Variants in ARHGEF12 observed in about 807,000 individuals in gnomAD.
ARHGEF12 encodes the protein Rho guanine nucleotide exchange factor 12.
Under a neutral mutation model 211.2 loss-of-function variants are expected in ARHGEF12, and 66 were observed. The observed-to-expected ratio is 0.31, with a 90% CI of 0.26 to 0.38. The LOEUF (loss-of-function observed/expected upper bound fraction) is 0.38. Among genes scored for constraint, ARHGEF12 ranks in the 10% least tolerant of loss-of-function variants. ARHGEF12 has a pLI of 1.00. For missense variants in ARHGEF12, 1,429 were observed against 1,869.5 expected, an observed-to-expected ratio of 0.76 and a Z score of 4.34; for synonymous variants, 592 against 638.4, an observed-to-expected ratio of 0.93 and a Z score of 1.09.
intron 27 of ARHGEF12, among the ~76,000 whole-genome samples, chr11:120,461,689 A>G (rs1946538357): frequency 6.6e-6 from 1 of 152,208 alleles, no homozygotes; most frequent in African/African-American, 2.4e-5. Context: ...TCTACATTGA[A>G]TATCTGTTGT....
intron 1 of ARHGEF12, among the ~76,000 whole-genome samples, chr11:120,361,927 G>A (rs1943289173): frequency 6.6e-6 from 1 of 152,210 alleles, no homozygotes; most frequent in African/African-American, 2.4e-5. Context: ...TCAAAAGGAT[G>A]CATGAAGAGT....
intron 10 of ARHGEF12, 123 bp from the exon 11 acceptor site, chr11:120,431,648 C>T: frequency 9.6e-7 from 1 of 1,042,988 alleles, no homozygotes; most frequent in Non-Finnish European, 1.3e-6. Flanking sequence ...TTGAGCATAT[C>T]AGAATGTCCA....
At chr11:120,375,949 C>G (rs966148967) in intron 1 of ARHGEF12, among the ~76,000 whole-genome samples, 1 of 151,972 alleles carries the variant, frequency 6.6e-6, no homozygotes, top group Non-Finnish European at 1.5e-5. Context: ...GTTTTTCTTA[C>G]GATTTGACTG....
At chr11:120,353,917 G>A (rs933253908) in intron 1 of ARHGEF12, among the ~76,000 whole-genome samples, 2 of 152,216 alleles carry the variant, frequency 1.3e-5, no homozygotes, top group East Asian at 3.8e-4. Context: ...CATTGGGAAT[G>A]TCTGGGGTGG....
Position 120,449,400 on chromosome 11 carries a change from G to T in ARHGEF12, c.1843+186G>T, listed in dbSNP as rs1208542954. On this transcript the variant is annotated intron_variant, in intron 21 of 40. Transcript: ENST00000397843. The stretch of plus-strand genomic sequence containing the variant: ...GTACCCCCTATGTTGCTACATAATT[G>T]TCATAAACATCTTTCGTGGGCTGGG... The T allele has an allele frequency of 5.5e-6, 3 of 548,538 alleles. No individual in the cohort carries two copies. In the East Asian group the frequency reaches 9.0e-5, roughly 16 times the overall value. 34.0% of individuals were successfully genotyped at this position (548,538 alleles called of 1,614,324 possible).
intron 1 of ARHGEF12, among the ~76,000 whole-genome samples, chr11:120,384,145 A>G (rs1943960659): frequency 6.6e-6 from 1 of 152,200 alleles, no homozygotes; most frequent in Non-Finnish European, 1.5e-5. Flanking sequence ...TAGCAAATCT[A>G]GACTATTTTC....
At chr11:120,415,962 A>C (rs936571971) in intron 4 of ARHGEF12, among the ~76,000 whole-genome samples, 2 of 152,358 alleles carry the variant, frequency 1.3e-5, no homozygotes, top group Non-Finnish European at 2.9e-5. Flanking sequence ...AAAATTGAAT[A>C]GGATGTGTGC....
At chr11:120,413,970 T>C (rs904082194) in intron 4 of ARHGEF12, among the ~76,000 whole-genome samples, 3 of 152,240 alleles carry the variant, frequency 2.0e-5, no homozygotes, top group Admixed American at 1.3e-4. Context: ...TATGGCCTTC[T>C]TTCAGGAACA....
rs1465007188 is a variant in ARHGEF12, at chr11:120,486,220, C to G, written c.*1143C>G. 4 of 233,178 alleles carry G rather than the reference C, an allele frequency of 1.7e-5. No individual in the cohort carries two copies. Among genetic ancestry groups the G allele is most frequent in the Admixed American group, 1.1e-4 (2 of 17,766 alleles). 14.4% of individuals were successfully genotyped at this position (233,178 alleles called of 1,614,324 possible). On this transcript the variant is annotated 3_prime_UTR_variant, in exon 41 of 41. Coordinates refer to ENST00000397843, the MANE Select transcript of ARHGEF12 (RefSeq NM_015313.3). Reference sequence around the variant, plus strand: ...AAAATTTTAGTACCTGGAGGTTTGACTCTAATTTTTGCACTGATGGTGCCA... The same window carrying G: ...AAAATTTTAGTACCTGGAGGTTTGAGTCTAATTTTTGCACTGATGGTGCCA...
chr11:120,424,546 T>TC, intron 7 of ARHGEF12, 131 bp downstream of exon 7: 2 of 607,010 alleles, frequency 3.3e-6, no homozygotes, highest in Non-Finnish European at 5.6e-6. Context: ...GCCGACTCTG[T>TC]CATTGTATCA....
At chr11:120,377,077 A>G (rs986080734) in intron 1 of ARHGEF12, among the ~76,000 whole-genome samples, 3 of 152,180 alleles carry the variant, frequency 2.0e-5, no homozygotes, top group African/African-American at 7.2e-5. Context: ...AATCTTGGCT[A>G]TTGTGAATAG....
rs2298465 is a variant in ARHGEF12 at position 120,478,205 on chromosome 11, T to G, written c.3582T>G (p.Ser1194=). Residue 1194 remains serine (S), a synonymous_variant, in exon 37 of 41, where the codon TCT becomes TCG. Transcript: ENST00000397843. ...CCTTAATATCGTCAAAACCTCAGTC[T>G]CATTCACTGAGTACCTCTGGGAAAT... is the stretch of plus-strand genomic sequence containing the variant. ...ESTLISSKPQ[S]HSLSTSGKSE... is the part of the protein sequence containing the mutation. 6.2e-7 allele frequency: 1 copy of G among 1,614,150 alleles called. No homozygotes were observed. Among genetic ancestry groups the G allele is most frequent in the East Asian group, 2.2e-5 (1 of 44,886 alleles).
At chr11:120,458,305 C>T in intron 25 of ARHGEF12, 71 bp downstream of exon 25, 2 of 1,566,002 alleles carry the variant, frequency 1.3e-6, no homozygotes, top group South Asian at 2.3e-5. Context: ...AGTCTCTCAG[C>T]CTTGGAGTTT....
intron 1 of ARHGEF12, among the ~76,000 whole-genome samples, chr11:120,347,180 C>G (rs796604252): frequency 9.1e-6 from 1 of 110,182 alleles, no homozygotes; most frequent in Non-Finnish European, 1.8e-5. Context: ...TCCTTCCTTC[C>G]TTCCTTTCTT....
At chr11:120,405,577 G>A (rs2135567616) in intron 1 of ARHGEF12, among the ~76,000 whole-genome samples, 1 of 152,194 alleles carries the variant, frequency 6.6e-6, no homozygotes, top group African/African-American at 2.4e-5. Context: ...AATAATTGAG[G>A]ATCACGATGA....
chr11:120,395,376 G>A (rs1348926178), intron 1 of ARHGEF12, among the ~76,000 whole-genome samples: 1 of 152,128 alleles, frequency 6.6e-6, no homozygotes, highest in Non-Finnish European at 1.5e-5. Context: ...TCTCAAAGGA[G>A]CTAAGCAAGA....
chr11:120,462,275 T>A (rs1335893312), intron 27 of ARHGEF12, among the ~76,000 whole-genome samples: 3 of 151,584 alleles, frequency 2.0e-5, no homozygotes, highest in Non-Finnish European at 4.4e-5. Flanking sequence ...GGGAAGAGAG[T>A]TGGGGGAATG....
intron 15 of ARHGEF12, among the ~76,000 whole-genome samples, chr11:120,443,290 G>A (rs118114248): frequency 0.014 from 2,152 of 152,110 alleles, 28 homozygotes; most frequent in South Asian, 0.024. Context: ...AAAGTGCTGC[G>A]ATTACAGGCA....
At chr11:120,426,981 A>AT (rs1945364809) in intron 7 of ARHGEF12, among the ~76,000 whole-genome samples, 2 of 151,902 alleles carry the variant, frequency 1.3e-5, no homozygotes, top group Non-Finnish European at 2.9e-5. Context: ...GGTTCAAGTG[A>AT]TTCTCCTGCC....
Sources: allele counts gnomAD v4.1 joint callset (sites outside exome capture counted in the v4.1 genomes callset), GRCh38; gene constraint gnomAD v4.1.1; transcripts MANE v1.5; gene names NCBI Gene and HGNC (gene_info 2026-07-23, HGNC 2026-07-21).